Variants in SHQ1 observed in about 807,000 individuals in gnomAD.
The protein encoded by SHQ1 is protein SHQ1 homolog.
SHQ1 carries 49 observed loss-of-function variants against 53.8 expected under a neutral mutation model. That is an observed-to-expected ratio of 0.91 (90% CI 0.72 to 1.16). The LOEUF is 1.16. Among genes scored for constraint, SHQ1 ranks in the 50% most tolerant of loss-of-function variants. SHQ1 has a pLI of 0.00. For synonymous variants in SHQ1, 243 were observed against 251.0 expected, an observed-to-expected ratio of 0.97 and a Z score of 0.30; for missense variants, 738 against 683.1, an observed-to-expected ratio of 1.08 and a Z score of -0.90.
intron 10 of SHQ1, chr3:72,772,741 G>A (rs1176740584): frequency 9.4e-6 from 7 of 744,916 alleles, no homozygotes; most frequent in South Asian, 4.2e-5. Context: ...TGCTACTCCC[G>A]TGGATGATCT....
intron 9 of SHQ1, among the ~76,000 whole-genome samples, chr3:72,797,842 T>C (rs999776821): frequency 6.6e-6 from 1 of 152,222 alleles, no homozygotes; most frequent in Non-Finnish European, 1.5e-5. Flanking sequence ...TATGTCACCG[T>C]AGATGACTAC....
chr3:72,836,221 G>A lies in SHQ1; in HGVS notation c.487-3740C>T, dbSNP rs184528783. The stretch of plus-strand genomic sequence containing the variant: ...AAAGCAGCTCTTGGACAGGCATTGT[G>A]GCTCACGCCTGTAATCCCAGCACTT... On this transcript the variant is annotated intron_variant, in intron 4 of 10. Coordinates refer to ENST00000325599, the MANE Select transcript of SHQ1 (RefSeq NM_018130.3). Among the ~76,000 whole-genome samples, 301 of 152,302 alleles carry A rather than the reference G, an allele frequency of 2.0e-3. 1 individual carries two copies. The highest frequency in any genetic ancestry group is 6.9e-3 in the African/African-American group (285 of 41,566).
Position 72,848,409 on chromosome 3 carries a change from T to C in SHQ1, c.-69A>G. 1.3e-6 allele frequency: 2 copies of C among 1,584,582 alleles called. No homozygotes were observed. Among genetic ancestry groups the C allele is most frequent in the Non-Finnish European group, 1.7e-6 (2 of 1,165,884 alleles). Reference sequence around the variant, plus strand: ...CGCCGCGTTCCCGCCACGCAAACTCTCCAACTCCCCACGCGCAGGAACTCT... The same window carrying C: ...CGCCGCGTTCCCGCCACGCAAACTCCCCAACTCCCCACGCGCAGGAACTCT... On this transcript the variant is annotated 5_prime_UTR_variant, in exon 1 of 11. Coordinates refer to ENST00000325599, the MANE Select transcript of SHQ1 (RefSeq NM_018130.3).
At position 72,791,937 on chromosome 3, in the gene SHQ1, C is replaced by T. The variant is rs137905796; in HGVS notation, c.1181+979G>A. Among the ~76,000 whole-genome samples, 1,368 of 152,284 alleles carry T rather than the reference C, an allele frequency of 9.0e-3. 16 individuals carry two copies. The highest frequency in any genetic ancestry group is 0.032 in the African/African-American group (1,321 of 41,542). ...TAAGAATCAGATCTACAGAACTTCA[C>T]GAAATAAAAATTCACTGCATTTTAA... On this transcript the variant is annotated intron_variant, in intron 10 of 10. Coordinates refer to ENST00000325599, the MANE Select transcript of SHQ1 (RefSeq NM_018130.3).
chr3:72,768,841 T>C (rs1575681566), intron 10 of SHQ1, among the ~76,000 whole-genome samples: 1 of 152,208 alleles, frequency 6.6e-6, no homozygotes, highest in Non-Finnish European at 1.5e-5. Flanking sequence ...GCCCCCAGTA[T>C]GTTTTTCCCT....
At chr3:72,787,800 A>T (rs1360497620) in intron 10 of SHQ1, among the ~76,000 whole-genome samples, 2 of 147,726 alleles carry the variant, frequency 1.4e-5, no homozygotes, top group Non-Finnish European at 3.0e-5. Flanking sequence ...ATCTCGACTC[A>T]CTGCAACCTC....
At chr3:72,811,047 G>C (rs180760189) in intron 9 of SHQ1, among the ~76,000 whole-genome samples, 5 of 152,292 alleles carry the variant, frequency 3.3e-5, no homozygotes, top group African/African-American at 1.2e-4. Context: ...ATTGATTCCT[G>C]TGTAAGTCAA....
intron 9 of SHQ1, chr3:72,793,701 T>A (rs1706516302): frequency 6.6e-6 from 1 of 152,166 alleles, no homozygotes; most frequent in East Asian, 1.9e-4. Flanking sequence ...ATTCAAGCTT[T>A]CAACATAACA....
intron 10 of SHQ1, among the ~76,000 whole-genome samples, chr3:72,756,249 T>C (rs76793999): frequency 2.7e-4 from 41 of 152,198 alleles, no homozygotes; most frequent in African/African-American, 9.4e-4. Context: ...TTACTAGTTA[T>C]AGTATATGTT....
Position 72,824,450 on chromosome 3 carries a change from T to C in SHQ1, c.701A>G (p.Gln234Arg). ...TAATGTAGCATGATTTTCTTGTTCC[T>C]GACTCTTTTCCAAAAAGGCCATCAT... ...SKMMAFLEKSQEQENHATLVS... is the reference protein window; with the variant it reads ...SKMMAFLEKSREQENHATLVS... The change falls in exon 6 of 11, where the codon CAG becomes CGG. Residue 234 changes from glutamine to arginine, a missense_variant. Coordinates refer to ENST00000325599, the MANE Select transcript of SHQ1 (RefSeq NM_018130.3). 2 of 1,611,954 alleles carry C rather than the reference T, an allele frequency of 1.2e-6. No homozygotes were observed. The highest frequency in any genetic ancestry group is 1.7e-6 in the Non-Finnish European group (2 of 1,179,622).
At chr3:72,824,381 A>G in intron 6 of SHQ1, 43 bp downstream of exon 6, 2 of 1,606,602 alleles carry the variant, frequency 1.2e-6, no homozygotes, top group Non-Finnish European at 1.7e-6. Flanking sequence ...GTACACCATG[A>G]GATTTTAAAA....
intron 9 of SHQ1, among the ~76,000 whole-genome samples, chr3:72,812,433 G>C (rs1414853210): frequency 6.6e-6 from 1 of 152,152 alleles, no homozygotes; most frequent in Non-Finnish European, 1.5e-5. Context: ...AATACTATGT[G>C]TGCCTTCTCT....
chr3:72,843,042 A>C (rs1163245431), intron 2 of SHQ1, among the ~76,000 whole-genome samples: 1 of 150,994 alleles, frequency 6.6e-6, no homozygotes, highest in Non-Finnish European at 1.5e-5. Context: ...GCGCCACTGC[A>C]CTCCAGCCTG....
At chr3:72,742,435 G>A in the SHQ1 span, among the ~76,000 whole-genome samples, 1 of 151,940 alleles carries the variant, frequency 6.6e-6, no homozygotes. Context: ...GAGGTTATTT[G>A]ATGACATGGG....
intron 8 of SHQ1, among the ~76,000 whole-genome samples, chr3:72,814,099 C>T (rs946774208): frequency 6.6e-6 from 1 of 152,044 alleles, no homozygotes; most frequent in East Asian, 1.9e-4. Context: ...TTTACATGTA[C>T]ATTAATCCTT....
At chr3:72,836,321 C>T in intron 4 of SHQ1, among the ~76,000 whole-genome samples, 1 of 152,170 alleles carries the variant, frequency 6.6e-6, no homozygotes, top group South Asian at 2.1e-4. Context: ...AACCCCGTCT[C>T]TACTAAAAAT....
intron 10 of SHQ1, among the ~76,000 whole-genome samples, chr3:72,757,210 G>C (rs1705514529): frequency 6.6e-6 from 1 of 152,136 alleles, no homozygotes; most frequent in South Asian, 2.1e-4. Context: ...ATGACATACT[G>C]AGACTAGAGC....
In SHQ1 at chr3:72,794,152, C is replaced by T. The variant is rs374773117; in HGVS notation, c.1061-1116G>A. The T allele has an allele frequency of 1.2e-4, 18 of 152,254 alleles. No homozygotes were observed. The South Asian group carries it at 2.1e-3, about 18-fold the overall frequency. 9.4% of individuals were successfully genotyped at this position (152,254 alleles called of 1,614,324 possible). ...CATTCTTATCTTTACAGTTCTGAAA[C>T]GCGGAAATACTGTATACTGAGTTCA... On this transcript the variant is annotated intron_variant, in intron 9 of 10. Transcript: ENST00000325599.
chr3:72,762,337 C>T (rs1705628936), intron 10 of SHQ1, among the ~76,000 whole-genome samples: 1 of 152,164 alleles, frequency 6.6e-6, no homozygotes, highest in African/African-American at 2.4e-5. Context: ...AAGAAAGGTA[C>T]AATGTCCATA....
Sources: allele counts gnomAD v4.1 joint callset (sites outside exome capture counted in the v4.1 genomes callset), GRCh38; gene constraint gnomAD v4.1.1; transcripts MANE v1.5; gene names NCBI Gene and HGNC (gene_info 2026-07-23, HGNC 2026-07-21).